The following ADAD1 variants were observed in gnomAD, a reference collection of about 807,000 sequenced individuals.
ADAD1 encodes adenosine deaminase domain-containing protein 1.
In ADAD1, 46 loss-of-function variants were observed where a neutral mutation model predicts 66.8. The observed-to-expected ratio is 0.69, with a 90% CI of 0.54 to 0.88. ADAD1 has a LOEUF of 0.88. Among genes scored for constraint, ADAD1 ranks in the 40% least tolerant of loss-of-function variants. The probability of loss-of-function intolerance (pLI) is 0.00; values close to 1 mark genes in which losing one functional copy is unlikely to be tolerated. For missense variants in ADAD1, 617 were observed against 681.8 expected (o/e 0.91, Z 1.06); for synonymous variants, 248 against 229.4 (o/e 1.08, Z -0.73).
At chr4:122,419,074 C>A (rs979136096) in intron 11 of ADAD1, among the ~76,000 whole-genome samples, 2 of 152,206 alleles carry the variant, frequency 1.3e-5, no homozygotes, top group African/African-American at 2.4e-5. Flanking sequence ...AAGACACTTG[C>A]ACGCATATGC....
chr4:122,396,356 G>A lies in ADAD1; in HGVS notation c.703G>A (p.Ala235Thr). 1.9e-6 allele frequency: 3 copies of A among 1,581,988 alleles called. No individual in the cohort carries two copies. Among genetic ancestry groups the A allele is most frequent in the Non-Finnish European group, 2.6e-6 (3 of 1,166,814 alleles). ...ATACCTGAAATATAGCAGTTCATTGGCTGCTTTTATAATTGAAAGAGGTAA... is the reference window on the plus strand; with the variant it reads ...ATACCTGAAATATAGCAGTTCATTGACTGCTTTTATAATTGAAAGAGGTAA... ...SEYLKYSSSLAAFIIERAGQH... is the reference protein window; with the variant it reads ...SEYLKYSSSLTAFIIERAGQH... The change falls in exon 7 of 13, where the codon GCT becomes ACT. Residue 235 changes from alanine to threonine, a missense_variant. Coordinates refer to ENST00000296513, the MANE Select transcript of ADAD1 (RefSeq NM_139243.4).
intron 8 of ADAD1, 35 bp downstream of exon 8, chr4:122,408,066 G>T: frequency 1.9e-6 from 3 of 1,580,848 alleles, no homozygotes; most frequent in South Asian, 1.2e-5. Flanking sequence ...TATTAAATAT[G>T]AATGCCCTCA....
intron 12 of ADAD1, among the ~76,000 whole-genome samples, chr4:122,423,901 G>T (rs774981234): frequency 2.0e-5 from 3 of 152,172 alleles, no homozygotes; most frequent in African/African-American, 7.2e-5. Flanking sequence ...TTTCTGGGAT[G>T]ATGGATAAGA....
At chr4:122,428,889 A>C (rs1797382706) in intron 12 of ADAD1, among the ~76,000 whole-genome samples, 1 of 152,162 alleles carries the variant, frequency 6.6e-6, no homozygotes, top group South Asian at 2.1e-4. Flanking sequence ...CAATGGATGA[A>C]TTTCATGGTA....
chr4:122,397,575 T>G (rs190565972), intron 7 of ADAD1, among the ~76,000 whole-genome samples: 15 of 152,334 alleles, frequency 9.8e-5, no homozygotes, highest in Non-Finnish European at 1.5e-4. Context: ...TGACAAATAA[T>G]TTTTTAAAAG....
In ADAD1 at chr4:122,383,907, T is replaced by A; in HGVS notation, c.470T>A (p.Leu157Ter). The A allele has an allele frequency of 6.2e-7, 1 of 1,613,968 alleles. No homozygotes were observed. Among genetic ancestry groups the A allele is most frequent in the Admixed American group, 1.7e-5 (1 of 60,010 alleles). Residue 157 changes from leucine (L) to a stop codon, truncating the protein, a stop_gained, in exon 5 of 13, where the codon TTA becomes TAA. Transcript: ENST00000296513. LOFTEE classifies it high-confidence loss of function. ...GAGTCTAGATCCAATGCAGCAAAATTAGCTCTTGATGAGCTTCTACAACTG... is the reference window on the plus strand; with the variant it reads ...GAGTCTAGATCCAATGCAGCAAAATAAGCTCTTGATGAGCTTCTACAACTG... ...KKESRSNAAK[L>*]ALDELLQLDE...
chr4:122,391,316 C>T (rs754179406), intron 5 of ADAD1, among the ~76,000 whole-genome samples: 2 of 152,168 alleles, frequency 1.3e-5, no homozygotes, highest in Non-Finnish European at 2.9e-5. Context: ...GCCTGACAAC[C>T]CCTGTTGGAA....
intron 1 of ADAD1, 102 bp downstream of exon 1, chr4:122,379,217 G>A (rs893386321): frequency 6.6e-6 from 1 of 152,428 alleles, no homozygotes; most frequent in Non-Finnish European, 1.5e-5. Context: ...CAGGGCTGTA[G>A]GGGGGCACGG....
At chr4:122,402,878 G>A (rs958010577) in intron 7 of ADAD1, among the ~76,000 whole-genome samples, 2 of 152,074 alleles carry the variant, frequency 1.3e-5, no homozygotes, top group Non-Finnish European at 2.9e-5. Context: ...TTTCTCTGGA[G>A]ACTTTTTTAT....
intron 7 of ADAD1, among the ~76,000 whole-genome samples, chr4:122,402,086 T>C (rs541929378): frequency 3.3e-5 from 5 of 152,170 alleles, no homozygotes; most frequent in African/African-American, 1.2e-4. Flanking sequence ...TATTGTTTTA[T>C]AGGCCCTGTG....
At chr4:122,396,115 A>T (rs964434558) in intron 6 of ADAD1, 137 bp from the exon 7 acceptor site, 3 of 661,358 alleles carry the variant, frequency 4.5e-6, no homozygotes, top group Non-Finnish European at 4.3e-6. Flanking sequence ...AATCTCAGTC[A>T]TGACCTAAAT....
At chr4:122,420,221 G>C (rs1325747078) in intron 11 of ADAD1, among the ~76,000 whole-genome samples, 1 of 152,204 alleles carries the variant, frequency 6.6e-6, no homozygotes, top group Non-Finnish European at 1.5e-5. Flanking sequence ...CTATTGCTGT[G>C]TATAAACTAC....
intron 6 of ADAD1, among the ~76,000 whole-genome samples, chr4:122,394,529 C>T (rs2150551249): frequency 6.6e-6 from 1 of 152,258 alleles, no homozygotes; most frequent in South Asian, 2.1e-4. Context: ...AGGCCTTGCA[C>T]ATTTGTGTGC....
intron 8 of ADAD1, among the ~76,000 whole-genome samples, chr4:122,409,594 G>C (rs1029790012): frequency 6.6e-6 from 1 of 152,062 alleles, no homozygotes; most frequent in East Asian, 1.9e-4. Context: ...TTGTCATCCT[G>C]TTGTGCCATC....
intron 5 of ADAD1, among the ~76,000 whole-genome samples, chr4:122,392,653 G>A (rs1022979654): frequency 6.6e-6 from 1 of 152,142 alleles, no homozygotes; most frequent in African/African-American, 2.4e-5. Flanking sequence ...GCATCATGCA[G>A]TATTCCCATT....
At chr4:122,426,122 AT>A (rs1560610025) in intron 12 of ADAD1, among the ~76,000 whole-genome samples, 1 of 152,162 alleles carries the variant, frequency 6.6e-6, no homozygotes, top group African/African-American at 2.4e-5. Flanking sequence ...CAAGAAAAAA[AT>A]AACAGATAAC....
chr4:122,418,972 A>G (rs777120031), intron 11 of ADAD1, among the ~76,000 whole-genome samples: 22 of 152,314 alleles, frequency 1.4e-4, no homozygotes, highest in Admixed American at 3.9e-4. Context: ...CAGTGTGGCA[A>G]TTCCTCAAAG....
At chr4:122,406,945 A>C (rs1796240531) in intron 7 of ADAD1, among the ~76,000 whole-genome samples, 1 of 152,036 alleles carries the variant, frequency 6.6e-6, no homozygotes, top group Non-Finnish European at 1.5e-5. Context: ...GGTTGGTTTA[A>C]TCTTTTTTCT....
At chr4:122,418,348 C>T (rs1277241591) in intron 11 of ADAD1, among the ~76,000 whole-genome samples, 3 of 132,588 alleles carry the variant, frequency 2.3e-5, no homozygotes, top group South Asian at 2.5e-4. Context: ...CTTGCTCTGT[C>T]GCCCAGGCTG....
Sources: gnomAD v4.1 joint callset for allele counts (sites outside exome capture counted in the v4.1 genomes callset) on GRCh38, gnomAD v4.1.1 for gene constraint, MANE v1.5 for transcripts, NCBI Gene and HGNC (gene_info 2026-07-23, HGNC 2026-07-21) for gene names.